Variants in SPECC1 observed in about 807,000 individuals in gnomAD.
The protein encoded by SPECC1 is cytospin-B.
A neutral mutation model predicts 104.1 loss-of-function variants in SPECC1; 62 were observed. That is an observed-to-expected ratio of 0.60 (90% CI 0.49 to 0.74). The LOEUF is 0.74. Ranked by LOEUF, SPECC1 falls within the 30% of genes least tolerant of loss-of-function variation. The pLI is 0.00. For missense variants in SPECC1, 1,306 were observed against 1,310.5 expected (o/e 1.00, Z 0.05); for synonymous variants, 513 against 501.6 (o/e 1.02, Z -0.30).
At position 20,043,926 on chromosome 17, in the gene SPECC1, T is replaced by C. The variant is rs532727128; in HGVS notation, c.-22+34502T>C. Among the ~76,000 whole-genome samples, 25 of 152,298 alleles carry C rather than the reference T, an allele frequency of 1.6e-4. 1 individual carries two copies. The highest frequency in any genetic ancestry group is 5.5e-4 in the African/African-American group (23 of 41,572). On this transcript the variant is annotated intron_variant, in intron 1 of 14. Coordinates refer to ENST00000395527, the MANE Select transcript of SPECC1 (RefSeq NM_001243439.2). ...CATGTGACAGTGATTTGTGTGCCTGTGTCTCCTCTATCTGGCTGACTTTCT... is the reference window on the plus strand; with the variant it reads ...CATGTGACAGTGATTTGTGTGCCTGCGTCTCCTCTATCTGGCTGACTTTCT...
chr17:20,286,128 C>T (rs1314426852), intron 12 of SPECC1, among the ~76,000 whole-genome samples: 1 of 152,120 alleles, frequency 6.6e-6, no homozygotes, highest in African/African-American at 2.4e-5. Context: ...TGAGGTATAA[C>T]ATACACATGT....
intron 3 of SPECC1, among the ~76,000 whole-genome samples, chr17:20,179,290 GTC>G (rs1471529355): frequency 6.6e-6 from 1 of 152,270 alleles, no homozygotes; most frequent in Admixed American, 6.5e-5. Flanking sequence ...AGGCACTAAA[GTC>G]TACAGTGAGT....
intron 1 of SPECC1, among the ~76,000 whole-genome samples, chr17:20,080,091 A>G (rs1275179713): frequency 6.6e-6 from 1 of 152,192 alleles, no homozygotes; most frequent in African/African-American, 2.4e-5. Flanking sequence ...AACATTATTA[A>G]TGTATCTTGA....
At chr17:20,050,783 G>A (rs979086082) in intron 1 of SPECC1, among the ~76,000 whole-genome samples, 5 of 152,146 alleles carry the variant, frequency 3.3e-5, no homozygotes, top group African/African-American at 1.2e-4. Flanking sequence ...GCCCAACTTA[G>A]GCTCACATTT....
chr17:20,049,992 T>C (rs1385415390), intron 1 of SPECC1, among the ~76,000 whole-genome samples: 2 of 152,004 alleles, frequency 1.3e-5, no homozygotes, highest in Non-Finnish European at 2.9e-5. Flanking sequence ...TAATTTTGTA[T>C]TTTTAGTAGA....
intron 9 of SPECC1, among the ~76,000 whole-genome samples, chr17:20,248,261 GC>G (rs1300440668): frequency 6.6e-6 from 1 of 152,164 alleles, no homozygotes; most frequent in Non-Finnish European, 1.5e-5. Flanking sequence ...CTGAGAAGGG[GC>G]CTGTTTGACA....
Position 20,097,000 on chromosome 17 carries a change from G to C in SPECC1, c.147+202G>C, listed in dbSNP as rs56979862. Reference sequence around the variant, plus strand: ...TGGGGGCCCTCTGGGGTCCAGAAAGGAGGTCTGCAAAGTGTTTAACACAGT... The same window carrying C: ...TGGGGGCCCTCTGGGGTCCAGAAAGCAGGTCTGCAAAGTGTTTAACACAGT... On this transcript the variant is annotated intron_variant, in intron 2 of 14. Coordinates refer to ENST00000395527, the MANE Select transcript of SPECC1 (RefSeq NM_001243439.2). Among the ~76,000 whole-genome samples the C allele has an allele frequency of 9.2e-5, 14 of 152,268 alleles. 1 individual carries two copies. The East Asian group carries it at 2.1e-3, about 23-fold the overall frequency.
At chr17:20,051,059 T>C (rs1224303254) in intron 1 of SPECC1, among the ~76,000 whole-genome samples, 1 of 129,540 alleles carries the variant, frequency 7.7e-6, no homozygotes, top group Non-Finnish European at 1.7e-5. Context: ...TCTTTCTTTC[T>C]TTCTTTCTTT....
intron 2 of SPECC1, among the ~76,000 whole-genome samples, chr17:20,104,679 G>T (rs2048101751): frequency 6.9e-6 from 1 of 145,674 alleles, no homozygotes; most frequent in East Asian, 2.1e-4. Flanking sequence ...GGAGGCGGAG[G>T]TTGCAGTGAG....
chr17:20,105,944 G>C (rs1192541253), intron 2 of SPECC1, among the ~76,000 whole-genome samples: 1 of 152,160 alleles, frequency 6.6e-6, no homozygotes, highest in African/African-American at 2.4e-5. Flanking sequence ...CTCATTTGTT[G>C]GATTTCCTGG....
At chr17:20,011,735 C>G (rs2043951022) in intron 1 of SPECC1, among the ~76,000 whole-genome samples, 1 of 152,052 alleles carries the variant, frequency 6.6e-6, no homozygotes, top group Non-Finnish European at 1.5e-5. Context: ...GTCCTGTGAA[C>G]AAGGCAAGGA....
At chr17:20,170,088 C>T (rs532127824) in intron 3 of SPECC1, among the ~76,000 whole-genome samples, 38 of 152,336 alleles carry the variant, frequency 2.5e-4, no homozygotes, top group African/African-American at 8.2e-4. Flanking sequence ...TCTGCTGTTC[C>T]ATTGCCCTTG....
chr17:20,316,863 G>A lies in SPECC1; in HGVS notation c.*2798G>A, dbSNP rs1375494547. The A allele has an allele frequency of 4.7e-6, 1 of 212,296 alleles. No homozygotes were observed. Among genetic ancestry groups the A allele is most frequent in the East Asian group, 6.9e-5 (1 of 14,440 alleles). The allele number at this position is 212,296 out of a possible 1,614,324, so 13.2% of individuals were successfully genotyped here. A position where few individuals can be genotyped will look rare whatever the true frequency, so the allele number is the denominator to read the frequency against. ...TCTAGAACCAGCTCTGAGCAATGGC[G>A]TTGCGGTGTCCCTCCCTCCCCGCTG... On this transcript the variant is annotated 3_prime_UTR_variant, in exon 15 of 15. Transcript: ENST00000395527.
At chr17:20,187,467 A>G (rs1412441923) in intron 3 of SPECC1, among the ~76,000 whole-genome samples, 1 of 152,144 alleles carries the variant, frequency 6.6e-6, no homozygotes, top group Non-Finnish European at 1.5e-5. Context: ...GATGGTGTGC[A>G]GATGTGAGCC....
At chr17:20,297,894 C>T (rs1444145169) in intron 13 of SPECC1, among the ~76,000 whole-genome samples, 2 of 152,118 alleles carry the variant, frequency 1.3e-5, no homozygotes, top group African/African-American at 2.4e-5. Context: ...CGTTCTATGC[C>T]CTCATGAGCT....
chr17:20,165,317 C>G (rs1203683283), intron 3 of SPECC1, among the ~76,000 whole-genome samples: 1 of 151,956 alleles, frequency 6.6e-6, no homozygotes, highest in Non-Finnish European at 1.5e-5. Flanking sequence ...GTTTGGTTTT[C>G]TGTTCCTGTG....
At chr17:20,045,183 TACTG>T (rs1436126548) in intron 1 of SPECC1, among the ~76,000 whole-genome samples, 1 of 152,198 alleles carries the variant, frequency 6.6e-6, no homozygotes. Context: ...AATTAGCTCA[TACTG>T]ACTATCATAA....
intron 3 of SPECC1, among the ~76,000 whole-genome samples, chr17:20,171,270 A>G (rs997593267): frequency 1.2e-4 from 19 of 152,040 alleles, no homozygotes; most frequent in Non-Finnish European, 5.9e-5. Flanking sequence ...GCCTGTTTGT[A>G]TTTGTGTTTC....
chr17:20,173,408 A>G (rs2034231869), intron 3 of SPECC1, among the ~76,000 whole-genome samples: 1 of 152,234 alleles, frequency 6.6e-6, no homozygotes, highest in South Asian at 2.1e-4. Flanking sequence ...TCAAAGTGCC[A>G]TGTTTATTGT....
Sources: gnomAD v4.1 joint callset for allele counts (sites outside exome capture counted in the v4.1 genomes callset) on GRCh38, gnomAD v4.1.1 for gene constraint, MANE v1.5 for transcripts, NCBI Gene and HGNC (gene_info 2026-07-23, HGNC 2026-07-21) for gene names.